The following DDX23 variants were observed in gnomAD, a reference collection of about 807,000 sequenced individuals.
DDX23 encodes DEAD-box helicase 23, also known as probable ATP-dependent RNA helicase DDX23.
A neutral mutation model predicts 102.7 loss-of-function variants in DDX23; 33 were observed. That is an observed-to-expected ratio of 0.32 (90% CI 0.24 to 0.43). The LOEUF (loss-of-function observed/expected upper bound fraction) is 0.43. Ranked by LOEUF, DDX23 falls within the 20% of genes least tolerant of loss-of-function variation. DDX23 has a pLI of 1.00. For synonymous variants in DDX23, 352 were observed against 376.0 expected, an observed-to-expected ratio of 0.94 and a Z score of 0.74; for missense variants, 549 against 1,086.6, an observed-to-expected ratio of 0.51 and a Z score of 6.96.
chr12:48,847,638 G>C (rs1401746601), intron 1 of DDX23, among the ~76,000 whole-genome samples: 1 of 151,844 alleles, frequency 6.6e-6, no homozygotes, highest in Non-Finnish European at 1.5e-5. Context: ...GACCAACCTG[G>C]GCAATATGGC....
rs1938372452 is a variant in DDX23 at position 48,830,687 on chromosome 12, T to C, written c.2245A>G (p.Ile749Val). The C allele has an allele frequency of 6.2e-7, 1 of 1,606,346 alleles. No individual in the cohort carries two copies. Among genetic ancestry groups the C allele is most frequent in the Non-Finnish European group, 8.5e-7 (1 of 1,175,828 alleles). Residue 749 changes from isoleucine (I) to valine (V), a missense_variant, in exon 17 of 17, where the codon ATC becomes GTC. By Grantham distance (29) the Ile-to-Val change is conservative (BLOSUM62 3). Around this residue, in one of 4 missense-constraint regions of DDX23, gnomAD observed 0 missense variants for 18.1 expected, o/e 0.00. Coordinates refer to ENST00000308025, the MANE Select transcript of DDX23 (RefSeq NM_004818.3). The surrounding 1 kb of genome is among the most constrained non-coding windows in gnomAD (Gnocchi z 4.9). ...YDMAKNIEDY[I>V]HRIGRTGRAG... ...CGTCCCGTGCGGCCAATGCGGTGGA[T>C]GTAATCTGGGGAATGGGAAGAACGT...
chr12:48,840,237 T>G, intron 3 of DDX23, 131 bp from the exon 4 acceptor site: 1 of 765,756 alleles, frequency 1.3e-6, no homozygotes, highest in Non-Finnish European at 2.3e-6. Flanking sequence ...ATCTATCATG[T>G]CTTGAAACTC....
intron 2 of DDX23, among the ~76,000 whole-genome samples, chr12:48,844,768 G>A (rs998251086): frequency 1.3e-5 from 2 of 150,048 alleles, no homozygotes; most frequent in Admixed American, 6.7e-5. Flanking sequence ...AACCGCGCCC[G>A]GCCCCCTCTC....
At chr12:48,837,214 C>T (rs112154071) in intron 8 of DDX23, 67 bp downstream of exon 8, 51 of 1,571,242 alleles carry the variant, frequency 3.2e-5, no homozygotes, top group Admixed American at 3.1e-4. Flanking sequence ...CCTCCACCTC[C>T]GTAGTCATCA....
intron 3 of DDX23, among the ~76,000 whole-genome samples, chr12:48,840,477 C>T (rs1183630493): frequency 6.6e-6 from 1 of 152,026 alleles, no homozygotes; most frequent in Non-Finnish European, 1.5e-5. Context: ...TCAAGACCAG[C>T]CTGGCCAACA....
rs933984023 is a variant in DDX23 at position 48,843,693 on chromosome 12, C to G, written c.320+247G>C. ...CCTCCTGAGTAGCTGGGACTACAGG[C>G]ACCCGCCACCACGCCCGGCTAATTT... is the stretch of plus-strand genomic sequence containing the variant. On this transcript the variant is annotated intron_variant, in intron 3 of 16. Transcript: ENST00000308025. Among the ~76,000 whole-genome samples, 3 of 151,762 alleles carry G rather than the reference C, an allele frequency of 2.0e-5. No homozygotes were observed. The East Asian group carries it at 5.9e-4, about 30-fold the overall frequency.
rs927723433 is a variant in DDX23, at chr12:48,837,954, T to C, written c.607A>G (p.Arg203Gly). 6.2e-7 allele frequency: 1 copy of C among 1,612,868 alleles called. No homozygotes were observed. The highest frequency in any genetic ancestry group is 8.5e-7 in the Non-Finnish European group (1 of 1,180,034). Residue 203 changes from arginine (R) to glycine (G), a missense_variant, in exon 6 of 17, where the codon AGG becomes GGG. By Grantham distance (125) the Arg-to-Gly change is moderately radical. Transcript: ENST00000308025. ...KKRKQFQDLGRKMLEDPQERE... is the reference protein window; with the variant it reads ...KKRKQFQDLGGKMLEDPQERE... ...TAGAATAACAAACCCAACATCTTCCTGCCCAAGTCTTGGAACTGTTTCCTT... is the reference window on the plus strand; with the variant it reads ...TAGAATAACAAACCCAACATCTTCCCGCCCAAGTCTTGGAACTGTTTCCTT...
chr12:48,836,650 C>T lies in DDX23; in HGVS notation c.1155G>A (p.Lys385=). 6.2e-7 allele frequency: 1 copy of T among 1,614,194 alleles called. No individual in the cohort carries two copies. Among genetic ancestry groups the T allele is most frequent in the Non-Finnish European group, 8.5e-7 (1 of 1,180,032 alleles). Reference sequence around the variant, plus strand: ...TCCAGGATCGGATGGGATTGGGGATCTTGCCACCTTTGGTGGTGATGCTGT... The same window carrying T: ...TCCAGGATCGGATGGGATTGGGGATTTTGCCACCTTTGGTGGTGATGCTGT... ...EDYSITTKGG[K]IPNPIRSWKD... The change falls in exon 10 of 17, where the codon AAG becomes AAA. Residue 385 remains lysine (K), a synonymous_variant. Transcript: ENST00000308025. The surrounding 1 kb of genome is among the most constrained non-coding windows in gnomAD (Gnocchi z 6.1).
chr12:48,837,133 A>G, intron 8 of DDX23, 96 bp from the exon 9 acceptor site: 1 of 1,573,702 alleles, frequency 6.4e-7, no homozygotes, highest in Non-Finnish European at 8.6e-7. Context: ...CTTCCCAGAC[A>G]GGGTCTTTCT....
intron 12 of DDX23, 126 bp downstream of exon 12, chr12:48,834,190 CAATA>C: frequency 1.3e-6 from 1 of 788,196 alleles, no homozygotes; most frequent in South Asian, 2.0e-5. Context: ...CATAAGTTCT[CAATA>C]AATAGCACAT....
At chr12:48,835,953 CA>C (rs545658643) in intron 11 of DDX23, among the ~76,000 whole-genome samples, 167 bp downstream of exon 11, 1,944 of 152,256 alleles carry the variant, frequency 0.013, 18 homozygotes, top group Non-Finnish European at 0.021. Context: ...TCTTTGCCAG[CA>C]ACATATACTT....
chr12:48,832,305 A>G lies in DDX23; in HGVS notation c.1955+117T>C, dbSNP rs1938401586. ...TAATGCCCATGACATTCTGCCCAAG[A>G]AAACAGCAGCTCTTCAACACAGCAG... On this transcript the variant is annotated intron_variant, in intron 14 of 16. Coordinates refer to ENST00000308025, the MANE Select transcript of DDX23 (RefSeq NM_004818.3). The surrounding 1 kb of genome is among the most constrained non-coding windows in gnomAD (Gnocchi z 4.4). 1 of 1,553,706 alleles carries G rather than the reference A, an allele frequency of 6.4e-7. No individual in the cohort carries two copies. The highest frequency in any genetic ancestry group is 8.8e-7 in the Non-Finnish European group (1 of 1,136,942).
chr12:48,834,597 T>A (rs1366319579), intron 11 of DDX23, 100 bp from the exon 12 acceptor site: 6 of 1,121,898 alleles, frequency 5.3e-6, no homozygotes, highest in Non-Finnish European at 7.7e-6. Context: ...GCAATGGGAA[T>A]GGGGAGGATG....
chr12:48,845,604 C>G lies in DDX23; in HGVS notation c.179G>C (p.Arg60Pro). The G allele has an allele frequency of 6.2e-7, 1 of 1,614,228 alleles. No individual in the cohort carries two copies. Among genetic ancestry groups the G allele is most frequent in the Non-Finnish European group, 8.5e-7 (1 of 1,180,038 alleles). Residue 60 changes from arginine (R) to proline (P), a missense_variant, in exon 2 of 17, where the codon CGC (arginine) becomes CCC (proline). This residue lies in a region of DDX23 where 241 missense variants were observed against 267.0 expected (regional missense o/e 0.90). Transcript: ENST00000308025. ...TGCAGATTTGGAACGGGAACGAGAG[C>G]GAGAACGGCTGCCTCCTCGACGTCT... ...RDRRRGGSRS[R>P]SRSRSKSAER...
Position 48,830,508 on chromosome 12 carries a change from G to A in DDX23, c.2424C>T (p.Ile808=). The A allele has an allele frequency of 2.5e-6, 4 of 1,613,846 alleles. No individual in the cohort carries two copies. The highest frequency in any genetic ancestry group is 3.4e-6 in the Non-Finnish European group (4 of 1,180,008). The change falls in exon 17 of 17, where the codon ATC becomes ATT. Residue 808 remains isoleucine (I), a synonymous_variant. Transcript: ENST00000308025. This position sits in a 1 kb window ranked among gnomAD's most constrained non-coding sequence, Gnocchi z 4.9. ...TCTCTTCCCGGCGCTTCTTGGTGAGGATGGTGCCTGGCTTATGCTGGGCAT... is the reference window on the plus strand; with the variant it reads ...TCTCTTCCCGGCGCTTCTTGGTGAGAATGGTGCCTGGCTTATGCTGGGCAT... The part of the protein sequence containing the change: ...HPDAQHKPGT[I]LTKKRREETI...
rs928829703 is a variant in DDX23 at position 48,845,859 on chromosome 12, A to C, written c.1-77T>G. On this transcript the variant is annotated intron_variant, in intron 1 of 16. Coordinates refer to ENST00000308025, the MANE Select transcript of DDX23 (RefSeq NM_004818.3). The stretch of plus-strand genomic sequence containing the variant: ...GCTTATATATAATTCAATTACCCTC[A>C]AAACAACCCTATGAGGTGGATATAT... 5.5e-6 allele frequency: 8 copies of C among 1,455,022 alleles called. No homozygotes were observed. The African/African-American group carries it at 1.1e-4, about 20-fold the overall frequency. 90.1% of individuals were successfully genotyped at this position (1,455,022 alleles called of 1,614,324 possible). A position where few individuals can be genotyped will look rare whatever the true frequency, so the allele number is the denominator to read the frequency against.
chr12:48,842,176 G>T (rs985995082), intron 3 of DDX23, among the ~76,000 whole-genome samples: 4 of 107,390 alleles, frequency 3.7e-5, no homozygotes, highest in Non-Finnish European at 6.3e-5. Flanking sequence ...AGGGAGGTGG[G>T]GGGGGTTAGC....
intron 5 of DDX23, among the ~76,000 whole-genome samples, chr12:48,839,104 G>A (rs1451030116): frequency 2.0e-5 from 3 of 151,952 alleles, no homozygotes; most frequent in Admixed American, 1.3e-4. Flanking sequence ...AAAAATCCCT[G>A]GCTCAAGTGA....
intron 2 of DDX23, among the ~76,000 whole-genome samples, chr12:48,844,970 T>C (rs1252269398): frequency 4.7e-5 from 7 of 149,976 alleles, no homozygotes; most frequent in South Asian, 2.1e-4. Context: ...CTGACCAACG[T>C]GGAGAAACCC....
Sources: allele counts gnomAD v4.1 joint callset (sites outside exome capture counted in the v4.1 genomes callset), GRCh38; gene constraint gnomAD v4.1.1; regional missense constraint gnomAD v4.1.1; non-coding constraint Gnocchi (gnomAD v3.1); transcripts MANE v1.5; gene names NCBI Gene and HGNC (gene_info 2026-07-23, HGNC 2026-07-21).